Variants in LOXL1 observed in about 807,000 individuals in gnomAD.
LOXL1 encodes lysyl oxidase homolog 1.
In LOXL1, 31 loss-of-function variants were observed where a neutral mutation model predicts 62.2. The observed-to-expected ratio is 0.50, with a 90% CI of 0.37 to 0.67. The LOEUF (loss-of-function observed/expected upper bound fraction) is 0.67. LOXL1 is among the 30% of genes least tolerant of loss of function. The probability of loss-of-function intolerance (pLI) is 0.00; values close to 1 mark genes in which losing one functional copy is unlikely to be tolerated. For synonymous variants in LOXL1, 403 were observed against 384.4 expected, an observed-to-expected ratio of 1.05 and a Z score of -0.56; for missense variants, 775 against 843.4, an observed-to-expected ratio of 0.92 and a Z score of 1.00.
intron 2 of LOXL1, 31 bp from the exon 3 acceptor site, chr15:73,946,386 C>T (rs751810742): frequency 7.1e-7 from 1 of 1,399,888 alleles, no homozygotes; most frequent in Non-Finnish European, 1.0e-6. Context: ...TGTGCCCCAA[C>T]CCCCCCTCAT....
chr15:73,950,518 A>C (rs1246462338), intron 6 of LOXL1, among the ~76,000 whole-genome samples: 1 of 151,240 alleles, frequency 6.6e-6, no homozygotes, highest in African/African-American at 2.4e-5. Context: ...AGTGTGTGAC[A>C]AGGGTTAGGA....
At chr15:73,941,746 CT>C (rs1464800923) in intron 1 of LOXL1, 1 of 153,188 alleles carries the variant, frequency 6.5e-6, no homozygotes, top group African/African-American at 2.4e-5. Context: ...GGAGTCCCCC[CT>C]GCCCACACCC....
chr15:73,940,698 ATGTGACCAGGGTCAGAGGTCAGTC>A (rs1450104941), intron 1 of LOXL1, among the ~76,000 whole-genome samples: 1 of 152,074 alleles, frequency 6.6e-6, no homozygotes, highest in East Asian at 1.9e-4. Flanking sequence ...TCAGCGCTTA[ATGTGACCAGGGTCAGAGGTCAGTC>A]TGTGACCAAG....
Position 73,926,670 on chromosome 15 carries a change from G to C in LOXL1, c.-114G>C. 2.4e-6 allele frequency: 3 copies of C among 1,225,742 alleles called. No homozygotes were observed. The highest frequency in any genetic ancestry group is 3.2e-6 in the Non-Finnish European group (3 of 940,092). 75.9% of individuals were successfully genotyped at this position (1,225,742 alleles called of 1,614,324 possible). On this transcript the variant is annotated 5_prime_UTR_variant, in exon 1 of 7. It removes the in-frame stop codon of an upstream open reading frame in the 5' UTR. Coordinates refer to ENST00000261921, the MANE Select transcript of LOXL1 (RefSeq NM_005576.4). ...GACAAGGCCAGCATGGACAAAGCTA[G>C]AGCTGGGGCAAGCAAGGAGCCTTCC...
Position 73,926,928 on chromosome 15 carries a change from G to A in LOXL1, c.145G>A (p.Gly49Arg). The A allele has an allele frequency of 6.4e-7, 1 of 1,570,816 alleles. No individual in the cohort carries two copies. The highest frequency in any genetic ancestry group is 1.2e-5 in the South Asian group (1 of 85,488). ...WRQLIQWENN[G>R]QVYSLLNSGS... The stretch of plus-strand genomic sequence containing the variant: ...GCAGCTGATCCAGTGGGAGAACAAC[G>A]GGCAGGTGTACAGCTTGCTCAACTC... The change falls in exon 1 of 7, where the codon GGG (glycine) becomes AGG (arginine). Residue 49 changes from glycine to arginine, a missense_variant. Coordinates refer to ENST00000261921, the MANE Select transcript of LOXL1 (RefSeq NM_005576.4).
Position 73,927,660 on chromosome 15 carries a change from C to T in LOXL1, c.877C>T (p.Pro293Ser), listed in dbSNP as rs973836022. Residue 293 changes from proline to serine, a missense_variant, in exon 1 of 7, where the codon CCC (proline) becomes TCC (serine). Coordinates refer to ENST00000261921, the MANE Select transcript of LOXL1 (RefSeq NM_005576.4). ...CGGCTTCGAGCAGGCCTACCCTGAC[C>T]CCGGTCCCGAGGCGGCGCAGGCCCA... Reference protein sequence around the residue: ...TPGFEQAYPDPGPEAAQAHGG... With the variant: ...TPGFEQAYPDSGPEAAQAHGG... The T allele has an allele frequency of 1.3e-6, 2 of 1,487,746 alleles. No homozygotes were observed. The highest frequency in any genetic ancestry group is 1.8e-6 in the Non-Finnish European group (2 of 1,125,992). The allele number at this position is 1,487,746 out of a possible 1,614,324, so 92.2% of individuals were successfully genotyped here. A position where few individuals can be genotyped will look rare whatever the true frequency, so the allele number is the denominator to read the frequency against.
Position 73,927,656 on chromosome 15 carries a change from T to C in LOXL1, c.873T>C (p.Pro291=). Residue 291 remains proline (P), a synonymous_variant, in exon 1 of 7, where the codon CCT becomes CCC. Transcript: ENST00000261921. ...CCCCCGGCTTCGAGCAGGCCTACCCTGACCCCGGTCCCGAGGCGGCGCAGG... is the reference window on the plus strand; with the variant it reads ...CCCCCGGCTTCGAGCAGGCCTACCCCGACCCCGGTCCCGAGGCGGCGCAGG... ...EGTPGFEQAY[P]DPGPEAAQAH... is the part of the protein sequence containing the mutation. 1 of 1,487,894 alleles carries C rather than the reference T, an allele frequency of 6.7e-7. No homozygotes were observed. The highest frequency in any genetic ancestry group is 2.9e-5 in the East Asian group (1 of 34,494). The allele number at this position is 1,487,894 out of a possible 1,614,324, so 92.2% of individuals were successfully genotyped here.
chr15:73,927,233 G>T lies in LOXL1; in HGVS notation c.450G>T (p.Arg150=). Residue 150 remains arginine (R), a synonymous_variant, in exon 1 of 7, where the codon CGG becomes CGT. Coordinates refer to ENST00000261921, the MANE Select transcript of LOXL1 (RefSeq NM_005576.4). The part of the protein sequence containing the change: ...ARARTSVSQQ[R]HGGSASSVSA... The stretch of plus-strand genomic sequence containing the variant: ...CCCGCACCTCCGTCTCCCAGCAACG[G>T]CACGGGGGCTCCGCCTCCTCGGTCT... 6.3e-7 allele frequency: 1 copy of T among 1,597,368 alleles called. No homozygotes were observed. The highest frequency in any genetic ancestry group is 8.5e-7 in the Non-Finnish European group (1 of 1,176,584).
At chr15:73,951,312 A>G (rs757853061) in intron 6 of LOXL1, among the ~76,000 whole-genome samples, 35 of 152,124 alleles carry the variant, frequency 2.3e-4, no homozygotes, top group Non-Finnish European at 4.6e-4. Context: ...GGGGAGCCAA[A>G]GCCCTTCCTT....
In LOXL1 at chr15:73,926,548, C is replaced by A; in HGVS notation, c.-236C>A. 1 of 408,842 alleles carries A rather than the reference C, an allele frequency of 2.4e-6. No individual in the cohort carries two copies. The highest frequency in any genetic ancestry group is 4.2e-6 in the Non-Finnish European group (1 of 236,680). The allele number at this position is 408,842 out of a possible 1,614,324, so 25.3% of individuals were successfully genotyped here. ...CACAGGCGGTCCTGCCCGCCCGGTG[C>A]CCTGCGGAGAGCCTCGTGCAGCCCT... On this transcript the variant is annotated 5_prime_UTR_variant, in exon 1 of 7. Transcript: ENST00000261921.
At chr15:73,935,067 G>A (rs1443665677) in intron 1 of LOXL1, among the ~76,000 whole-genome samples, 1 of 152,206 alleles carries the variant, frequency 6.6e-6, no homozygotes, top group East Asian at 1.9e-4. Context: ...AATGGGGTCC[G>A]GGCCATGGGG....
intron 6 of LOXL1, 103 bp from the exon 7 acceptor site, chr15:73,951,728 C>T: frequency 2.8e-6 from 3 of 1,064,206 alleles, no homozygotes; most frequent in South Asian, 2.2e-5. Flanking sequence ...CCATGCCTGC[C>T]CTGCCACGAG....
chr15:73,927,380 C>G lies in LOXL1; in HGVS notation c.597C>G (p.Asp199Glu), dbSNP rs1188378953. ...ENYDPASRTY[D>E]QGFVYYRPAG... ...ACGACCCCGCGTCGCGGACCTACGACCAGGGTTTCGTGTACTACCGGCCCG... is the reference window on the plus strand; with the variant it reads ...ACGACCCCGCGTCGCGGACCTACGAGCAGGGTTTCGTGTACTACCGGCCCG... The change falls in exon 1 of 7, where the codon GAC becomes GAG. Residue 199 changes from aspartate to glutamate, a missense_variant. Coordinates refer to ENST00000261921, the MANE Select transcript of LOXL1 (RefSeq NM_005576.4). The G allele has an allele frequency of 1.9e-6, 3 of 1,586,024 alleles. No homozygotes were observed. The South Asian group carries it at 3.4e-5, about 18-fold the overall frequency.
At chr15:73,934,999 G>A (rs140761889) in intron 1 of LOXL1, among the ~76,000 whole-genome samples, 134 of 152,342 alleles carry the variant, frequency 8.8e-4, no homozygotes, top group Non-Finnish European at 1.6e-3. Flanking sequence ...GTGCTCCAGT[G>A]TGGTTAGAAC....
rs2068627037 is a variant in LOXL1, at chr15:73,930,321, G to A, written c.1102+2436G>A. Among the ~76,000 whole-genome samples, 1 of 152,190 alleles carries A rather than the reference G, an allele frequency of 6.6e-6. No individual in the cohort carries two copies. The highest frequency in any genetic ancestry group is 2.4e-5 in the African/African-American group (1 of 41,458). ...GGATGGTCATCAGCACCATCCAGGT[G>A]CCCCTTCCCCTAATCATTGAGGGTG... On this transcript the variant is annotated intron_variant, in intron 1 of 6. Transcript: ENST00000261921. This position sits in a 1 kb window ranked among gnomAD's most constrained non-coding sequence, Gnocchi z 4.7.
rs777258290 is a variant in LOXL1, at chr15:73,946,422, C to G, written c.1217C>G (p.Ala406Gly). ...AAEEKCLAST[A>G]YAPEATDYDV... ...CTCCCCCGCCGTCCCTGCAGCACAG[C>G]CTATGCCCCTGAGGCCACCGACTAC... is the stretch of plus-strand genomic sequence containing the variant. Residue 406 changes from alanine to glycine, a missense_variant, in exon 3 of 7, where the codon GCC (alanine) becomes GGC (glycine). By Grantham distance (60) the Ala-to-Gly change is moderately conservative. Transcript: ENST00000261921. 1.2e-6 allele frequency: 2 copies of G among 1,612,290 alleles called. No homozygotes were observed. Among genetic ancestry groups the G allele is most frequent in the East Asian group, 4.5e-5 (2 of 44,858 alleles).
chr15:73,949,396 G>T, intron 5 of LOXL1, 63 bp from the exon 6 acceptor site: 1 of 916,784 alleles, frequency 1.1e-6, no homozygotes, highest in South Asian at 1.3e-5. Context: ...CTTCTCTGGT[G>T]AGCAGTTGAG....
chr15:73,946,195 C>CA (rs1263822454), intron 2 of LOXL1, among the ~76,000 whole-genome samples: 2 of 152,190 alleles, frequency 1.3e-5, no homozygotes, highest in Admixed American at 1.3e-4. Flanking sequence ...TGGTGGAGGC[C>CA]AGAAAGGAGG....
At chr15:73,943,748 T>C (rs1206937438) in intron 2 of LOXL1, among the ~76,000 whole-genome samples, 1 of 152,242 alleles carries the variant, frequency 6.6e-6, no homozygotes, top group Non-Finnish European at 1.5e-5. Flanking sequence ...AATATCCCTT[T>C]ATGTTGAAAG....
Sources: allele counts gnomAD v4.1 joint callset (sites outside exome capture counted in the v4.1 genomes callset), GRCh38; gene constraint gnomAD v4.1.1; non-coding constraint Gnocchi (gnomAD v3.1); transcripts MANE v1.5; gene names NCBI Gene and HGNC (gene_info 2026-07-23, HGNC 2026-07-21).